STK32B: variants seen among roughly 807,000 people sequenced by gnomAD.
The protein encoded by STK32B is serine/threonine-protein kinase 32B.
STK32B carries 43 observed loss-of-function variants against 52.6 expected under a neutral mutation model. The ratio of observed to expected loss-of-function variants is 0.82; its 90% CI spans 0.64 to 1.05. The LOEUF (loss-of-function observed/expected upper bound fraction) is 1.05, where lower values mean the gene tolerates loss of function less well. Among genes scored for constraint, STK32B ranks in the 50% least tolerant of loss-of-function variants. The pLI is 0.00. For synonymous variants in STK32B, 238 were observed against 204.3 expected (o/e 1.17, Z -1.41); for missense variants, 621 against 534.6 (o/e 1.16, Z -1.59).
At chr4:5,377,204 A>C (rs1374311397) in intron 4 of STK32B, among the ~76,000 whole-genome samples, 1 of 152,054 alleles carries the variant, frequency 6.6e-6, no homozygotes, top group Admixed American at 6.5e-5. Context: ...AAAATACCCA[A>C]CCCCAACGCT....
At chr4:5,190,611 CG>C (rs1457142617) in intron 3 of STK32B, among the ~76,000 whole-genome samples, 1 of 152,122 alleles carries the variant, frequency 6.6e-6, no homozygotes, top group Non-Finnish European at 1.5e-5. Context: ...GAAGAGTGCC[CG>C]CTTTCTCATT....
Position 5,371,989 on chromosome 4 carries a change from C to T in STK32B, c.435-26218C>T, listed in dbSNP as rs911601811. Among the ~76,000 whole-genome samples, 7 of 152,318 alleles carry T rather than the reference C, an allele frequency of 4.6e-5. No homozygotes were observed. The South Asian group carries it at 6.2e-4, about 14-fold the overall frequency. ...GCAGAGATGTCCTTCTGGGCACAAG[C>T]CACTTCTCTCCAGCCCTGGAAACAG... On this transcript the variant is annotated intron_variant, in intron 4 of 11. Coordinates refer to ENST00000282908, the MANE Select transcript of STK32B (RefSeq NM_018401.3).
chr4:5,205,834 T>C (rs1056741026), intron 3 of STK32B, among the ~76,000 whole-genome samples: 1 of 152,100 alleles, frequency 6.6e-6, no homozygotes, highest in African/African-American at 2.4e-5. Flanking sequence ...GGGGGAATTC[T>C]CTTTCACCGA....
At chr4:5,205,706 G>GCA (rs1491027130) in intron 3 of STK32B, among the ~76,000 whole-genome samples, 4 of 38,988 alleles carry the variant, frequency 1.0e-4, no homozygotes, top group African/African-American at 1.7e-4. Flanking sequence ...GCGCGCGCGT[G>GCA]TGTGTGTGTG....
At chr4:5,034,001 G>A in the STK32B span, among the ~76,000 whole-genome samples, 1 of 152,188 alleles carries the variant, frequency 6.6e-6, no homozygotes, top group Non-Finnish European at 1.5e-5. Flanking sequence ...CAGGAGATGT[G>A]AGGCCCTAAA....
chr4:5,028,961 G>A, the STK32B span, among the ~76,000 whole-genome samples: 5 of 152,184 alleles, frequency 3.3e-5, no homozygotes, highest in South Asian at 4.1e-4. Context: ...CGCATGGCCG[G>A]AACAAGAGGC....
intron 6 of STK32B, among the ~76,000 whole-genome samples, chr4:5,427,358 C>G (rs1198152002): frequency 6.6e-6 from 1 of 152,038 alleles, no homozygotes; most frequent in East Asian, 1.9e-4. Flanking sequence ...GTTCTATTTT[C>G]TTGTAACAAC....
At chr4:5,477,154 G>C (rs982393447) in intron 11 of STK32B, among the ~76,000 whole-genome samples, 2 of 152,144 alleles carry the variant, frequency 1.3e-5, no homozygotes, top group African/African-American at 4.8e-5. Context: ...GTCTCACCGT[G>C]TAACCCTCGA....
intron 2 of STK32B, among the ~76,000 whole-genome samples, chr4:5,152,855 A>G (rs2108847430): frequency 6.6e-6 from 1 of 152,340 alleles, no homozygotes; most frequent in East Asian, 1.9e-4. Context: ...CTTACCAGCT[A>G]TAGAAACTAA....
At chr4:5,314,767 G>C (rs1730551781) in intron 3 of STK32B, among the ~76,000 whole-genome samples, 1 of 152,068 alleles carries the variant, frequency 6.6e-6, no homozygotes, top group South Asian at 2.1e-4. Flanking sequence ...GATAGAACCA[G>C]TCACATAGCC....
intron 3 of STK32B, among the ~76,000 whole-genome samples, chr4:5,234,733 G>C (rs1176464797): frequency 3.9e-5 from 6 of 152,234 alleles, no homozygotes; most frequent in African/African-American, 1.4e-4. Flanking sequence ...AGCCAGAGAG[G>C]ATATTCCTAT....
Position 5,361,570 on chromosome 4 carries a change from G to T in STK32B, c.434+30177G>T, listed in dbSNP as rs141329674. Among the ~76,000 whole-genome samples the T allele has an allele frequency of 1.4e-3, 220 of 152,242 alleles. 2 individuals are homozygous for T. The highest frequency in any genetic ancestry group is 5.0e-3 in the African/African-American group (208 of 41,548). On this transcript the variant is annotated intron_variant, in intron 4 of 11. Coordinates refer to ENST00000282908, the MANE Select transcript of STK32B (RefSeq NM_018401.3). ...TATAGAGATGGGGTCTCACTATGTT[G>T]CCCAGGCTGGTCTCAAACTCCTGGG...
At chr4:5,476,383 T>A (rs1413389348) in intron 11 of STK32B, among the ~76,000 whole-genome samples, 1 of 152,194 alleles carries the variant, frequency 6.6e-6, no homozygotes, top group African/African-American at 2.4e-5. Context: ...ATACAGAAAC[T>A]GTAATTACAA....
At chr4:5,284,513 T>A (rs1168327818) in intron 3 of STK32B, among the ~76,000 whole-genome samples, 1 of 152,120 alleles carries the variant, frequency 6.6e-6, no homozygotes, top group Non-Finnish European at 1.5e-5. Context: ...TGTACATTAA[T>A]CTATTATAAA....
At chr4:5,175,836 C>A (rs184182768) in intron 3 of STK32B, among the ~76,000 whole-genome samples, 1 of 152,372 alleles carries the variant, frequency 6.6e-6, no homozygotes, top group African/African-American at 2.4e-5. Flanking sequence ...AGCTGTCAGA[C>A]AGGGACATTT....
chr4:5,144,651 A>G (rs1444163752), intron 2 of STK32B, among the ~76,000 whole-genome samples: 2 of 152,188 alleles, frequency 1.3e-5, no homozygotes, highest in African/African-American at 4.8e-5. Flanking sequence ...TGGAAACTGT[A>G]CAGCTCTGGG....
At chr4:5,497,858 A>G (rs948709261) in intron 11 of STK32B, among the ~76,000 whole-genome samples, 1 of 152,166 alleles carries the variant, frequency 6.6e-6, no homozygotes, top group Non-Finnish European at 1.5e-5. Flanking sequence ...AAATCAAGAC[A>G]ACAGGTGTTG....
chr4:5,408,364 A>AC (rs780120872), intron 5 of STK32B, among the ~76,000 whole-genome samples: 1 of 151,718 alleles, frequency 6.6e-6, no homozygotes, highest in Non-Finnish European at 1.5e-5. Context: ...GGTAGCACCT[A>AC]CCCCCGTCTC....
At chr4:5,318,431 G>T (rs184761021) in intron 3 of STK32B, among the ~76,000 whole-genome samples, 1 of 151,916 alleles carries the variant, frequency 6.6e-6, no homozygotes, top group East Asian at 1.9e-4. Flanking sequence ...TCTCAACCCT[G>T]GAACAGAAAG....
Sources: allele counts gnomAD v4.1 joint callset (sites outside exome capture counted in the v4.1 genomes callset), GRCh38; gene constraint gnomAD v4.1.1; transcripts MANE v1.5; gene names NCBI Gene and HGNC (gene_info 2026-07-23, HGNC 2026-07-21).